The following FAM168A variants were observed in gnomAD, a reference collection of about 807,000 sequenced individuals.
FAM168A encodes the protein family with sequence similarity 168 member A.
In FAM168A, 3 loss-of-function variants were observed where a neutral mutation model predicts 28.5. That is an observed-to-expected ratio of 0.11 (90% CI 0.05 to 0.27). FAM168A has a LOEUF of 0.27. Among genes scored for constraint, FAM168A ranks in the 10% least tolerant of loss-of-function variants. The probability of loss-of-function intolerance (pLI) is 1.00; values close to 1 mark genes in which losing one functional copy is unlikely to be tolerated. For missense variants in FAM168A, 222 were observed against 311.5 expected (o/e 0.71, Z 2.16); for synonymous variants, 122 against 124.2 (o/e 0.98, Z 0.12).
intron 1 of FAM168A, among the ~76,000 whole-genome samples, chr11:73,514,981 T>C (rs563705917): frequency 6.6e-6 from 1 of 152,256 alleles, no homozygotes; most frequent in Non-Finnish European, 1.5e-5. Flanking sequence ...AATCTACACC[T>C]ACCCATGGAC....
intron 6 of FAM168A, among the ~76,000 whole-genome samples, chr11:73,408,827 T>A (rs1276944286): frequency 6.6e-6 from 1 of 152,044 alleles, no homozygotes; most frequent in Non-Finnish European, 1.5e-5. Context: ...CTTCTGCTTT[T>A]GTCATCCCTC....
chr11:73,490,295 C>T (rs1045662525), intron 1 of FAM168A, among the ~76,000 whole-genome samples: 3 of 151,902 alleles, frequency 2.0e-5, no homozygotes, highest in African/African-American at 7.3e-5. Context: ...ATTACTGCCC[C>T]CCCTGTTTTT....
chr11:73,491,807 C>G (rs1205089765), intron 1 of FAM168A, among the ~76,000 whole-genome samples: 1 of 152,192 alleles, frequency 6.6e-6, no homozygotes, highest in East Asian at 1.9e-4. Flanking sequence ...GTCCAACATT[C>G]ATAATCCCCA....
At chr11:73,499,092 C>T (rs1854949926) in intron 1 of FAM168A, among the ~76,000 whole-genome samples, 3 of 152,166 alleles carry the variant, frequency 2.0e-5, no homozygotes, top group Admixed American at 2.0e-4. Flanking sequence ...TATACAGGAG[C>T]AATCCTACTG....
intron 1 of FAM168A, among the ~76,000 whole-genome samples, chr11:73,533,834 G>C (rs1447870557): frequency 6.6e-6 from 1 of 152,098 alleles, no homozygotes. Context: ...ACTTTTGGGG[G>C]GAGTGCTTAA....
intron 1 of FAM168A, among the ~76,000 whole-genome samples, chr11:73,486,271 T>G (rs192105704): frequency 6.6e-6 from 1 of 152,276 alleles, no homozygotes; most frequent in East Asian, 1.9e-4. Context: ...CACATTCACA[T>G]TGTCATGCAA....
chr11:73,590,291 T>C (rs1375153022), intron 1 of FAM168A, among the ~76,000 whole-genome samples: 1 of 152,108 alleles, frequency 6.6e-6, no homozygotes, highest in Admixed American at 6.6e-5. Flanking sequence ...TAGTCCCAGC[T>C]ACTTAGGAGG....
intron 1 of FAM168A, among the ~76,000 whole-genome samples, chr11:73,537,516 T>C (rs114712281): frequency 0.016 from 2,409 of 152,236 alleles, 63 homozygotes; most frequent in African/African-American, 0.055. Flanking sequence ...TGAGAGTGGC[T>C]ATAATCTTCC....
At chr11:73,462,416 A>C (rs189539430) in intron 2 of FAM168A, among the ~76,000 whole-genome samples, 1 of 152,304 alleles carries the variant, frequency 6.6e-6, no homozygotes, top group South Asian at 2.1e-4. Flanking sequence ...GATAATAAGT[A>C]GGTTGGTGAT....
At chr11:73,468,264 G>A (rs1287432351) in intron 2 of FAM168A, 141 bp downstream of exon 2, 5 of 627,390 alleles carry the variant, frequency 8.0e-6, no homozygotes, top group African/African-American at 5.5e-5. Flanking sequence ...AGATCTTTCC[G>A]CTGGACCTCA....
chr11:73,407,673 G>C (rs1429321509), intron 6 of FAM168A, 30 bp from the exon 7 acceptor site: 1 of 1,571,140 alleles, frequency 6.4e-7, no homozygotes, highest in Non-Finnish European at 8.7e-7. Flanking sequence ...AGAGTAACCT[G>C]ACGAGGCTGC....
intron 1 of FAM168A, among the ~76,000 whole-genome samples, chr11:73,480,532 A>C (rs1298485619): frequency 2.0e-5 from 3 of 152,190 alleles, no homozygotes; most frequent in Non-Finnish European, 4.4e-5. Context: ...GTGGGGAAAT[A>C]GTTGTATTTA....
At chr11:73,529,796 C>CTTTTTTTTTCTT (rs1943493443) in intron 1 of FAM168A, among the ~76,000 whole-genome samples, 1 of 127,532 alleles carries the variant, frequency 7.8e-6, no homozygotes, top group African/African-American at 3.4e-5. Flanking sequence ...ACTTTTTCTT[C>CTTTTTTTTTCTT]TTTTTTTTTT....
chr11:73,576,352 T>TA (rs1489938173), intron 1 of FAM168A, among the ~76,000 whole-genome samples: 2 of 152,148 alleles, frequency 1.3e-5, no homozygotes, highest in Non-Finnish European at 2.9e-5. Flanking sequence ...AGAATCCAAA[T>TA]ACCACCGGGC....
In FAM168A at chr11:73,511,177, GT is replaced by G. The variant is rs112475564; in HGVS notation, c.-18-42686del. Among the ~76,000 whole-genome samples, 997 of 147,380 alleles carry G rather than the reference GT, an allele frequency of 6.8e-3. 9 individuals are homozygous for G. Among genetic ancestry groups the G allele is most frequent in the African/African-American group, 0.023 (924 of 40,456 alleles). On this transcript the variant is annotated intron_variant, in intron 1 of 7. Coordinates refer to ENST00000356467, the MANE Select transcript of FAM168A (RefSeq NM_015159.3). ...CATCTTGGGCCTTCTCAATTGTCAG[GT>G]TTTTTTTTTTCCTCCCTCGGGTAAA... is the stretch of plus-strand genomic sequence containing the variant.
Position 73,420,098 on chromosome 11 carries a change from C to T in FAM168A, c.152-99G>A, listed in dbSNP as rs149384662. 1.0e-4 allele frequency: 150 copies of T among 1,463,396 alleles called. 2 individuals are homozygous for T. In the East Asian group the frequency reaches 2.5e-3, roughly 24 times the overall value. 90.7% of individuals were successfully genotyped at this position (1,463,396 alleles called of 1,614,324 possible). ...GGGTCTTGTGCTGGACAGAAACATACAACCCAAGGGGCCTGTTCAGACACA... is the reference window on the plus strand; with the variant it reads ...GGGTCTTGTGCTGGACAGAAACATATAACCCAAGGGGCCTGTTCAGACACA... On this transcript the variant is annotated intron_variant, in intron 3 of 7. Transcript: ENST00000356467.
At chr11:73,412,013 A>C (rs1866620404) in intron 4 of FAM168A, among the ~76,000 whole-genome samples, 2 of 149,886 alleles carry the variant, frequency 1.3e-5, no homozygotes, top group Admixed American at 6.6e-5. Flanking sequence ...TTTTCTCCTT[A>C]TCTCTCTCTC....
At chr11:73,451,193 T>A (rs141317355) in intron 2 of FAM168A, among the ~76,000 whole-genome samples, 239 of 152,318 alleles carry the variant, frequency 1.6e-3, no homozygotes, top group Middle Eastern at 0.01. Context: ...AGGTGAGGCA[T>A]AAGAGCTCCT....
In FAM168A at chr11:73,493,968, T is replaced by C. The variant is rs563429758; in HGVS notation, c.-18-25476A>G. Among the ~76,000 whole-genome samples, 269 of 152,306 alleles carry C rather than the reference T, an allele frequency of 1.8e-3. 1 individual carries two copies. Among genetic ancestry groups the C allele is most frequent in the African/African-American group, 6.2e-3 (258 of 41,564 alleles). ...AGTGCCATTCTAGAAACACTTCATG[T>C]TAGAAGATTTAGTTGTTTATGCAAC... On this transcript the variant is annotated intron_variant, in intron 1 of 7. Coordinates refer to ENST00000356467, the MANE Select transcript of FAM168A (RefSeq NM_015159.3).
Sources: gnomAD v4.1 joint callset for allele counts (sites outside exome capture counted in the v4.1 genomes callset) on GRCh38, gnomAD v4.1.1 for gene constraint, MANE v1.5 for transcripts, NCBI Gene and HGNC (gene_info 2026-07-23, HGNC 2026-07-21) for gene names.